Variants in LIN7A observed in about 807,000 individuals in gnomAD.
The protein encoded by LIN7A is protein lin-7 homolog A.
In LIN7A, 25 loss-of-function variants were observed where a neutral mutation model predicts 29.8. The observed-to-expected ratio is 0.84, with a 90% CI of 0.61 to 1.17. The LOEUF is 1.17. Ranked by LOEUF, LIN7A falls within the 50% of genes most tolerant of loss-of-function variation. The pLI is 0.00. For synonymous variants in LIN7A, 118 were observed against 107.5 expected (o/e 1.10, Z -0.60); for missense variants, 239 against 287.0 (o/e 0.83, Z 1.21).
chr12:80,818,789 C>T (rs990997529), intron 4 of LIN7A, among the ~76,000 whole-genome samples: 2 of 152,146 alleles, frequency 1.3e-5, no homozygotes, highest in African/African-American at 4.8e-5. Context: ...TGTGTTTGGA[C>T]ACACTACTCT....
intron 2 of LIN7A, among the ~76,000 whole-genome samples, chr12:80,856,296 A>T (rs374721181): frequency 3.9e-5 from 6 of 152,202 alleles, no homozygotes; most frequent in African/African-American, 1.2e-4. Context: ...AAGAAAAAAT[A>T]CTGACAGGTA....
At chr12:80,872,317 G>A (rs972575156) in intron 2 of LIN7A, among the ~76,000 whole-genome samples, 13 of 152,144 alleles carry the variant, frequency 8.5e-5, no homozygotes, top group African/African-American at 2.9e-4. Flanking sequence ...CTATAATGAT[G>A]AGCCAAAATT....
Position 80,845,938 on chromosome 12 carries a change from G to T in LIN7A, c.275C>A (p.Ala92Glu). The change falls in exon 4 of 6, where the codon GCA becomes GAA. Residue 92 changes from alanine to glutamate, a missense_variant and splice_region_variant. Ala to Glu is a moderately radical substitution (Grantham distance 107, BLOSUM62 -1). Transcript: ENST00000552864. ...PEFRARATAKATVAAFAASEG... is the reference protein window; with the variant it reads ...PEFRARATAKETVAAFAASEG... ...ACTAGCTGCAAAAGCTGCAACTGTT[G>T]CCTGAAAAAAAAAAAAAAAGATGGT... The T allele has an allele frequency of 6.5e-7, 1 of 1,544,544 alleles. No homozygotes were observed.
At chr12:80,872,677 A>G (rs1343522395) in intron 2 of LIN7A, among the ~76,000 whole-genome samples, 1 of 152,236 alleles carries the variant, frequency 6.6e-6, no homozygotes, top group Non-Finnish European at 1.5e-5. Context: ...GAGGAAAGAC[A>G]TATTTTATAG....
At chr12:80,933,256 A>C (rs1173551333) in intron 1 of LIN7A, among the ~76,000 whole-genome samples, 1 of 152,132 alleles carries the variant, frequency 6.6e-6, no homozygotes, top group East Asian at 1.9e-4. Context: ...TATATAATTA[A>C]ATTTCTACCC....
intron 4 of LIN7A, among the ~76,000 whole-genome samples, chr12:80,839,953 C>T (rs555385521): frequency 1.4e-3 from 211 of 152,232 alleles, no homozygotes; most frequent in African/African-American, 4.9e-3. Flanking sequence ...AATTCAGCTG[C>T]AATTTCCCAC....
chr12:80,794,617 C>G lies in LIN7A; in HGVS notation c.*3110G>C, dbSNP rs750085986. On this transcript the variant is annotated 3_prime_UTR_variant, in exon 6 of 6. Transcript: ENST00000552864. The stretch of plus-strand genomic sequence containing the variant: ...ATTTGTAAATCTGTGTAATCCATCT[C>G]GAGCCAAGTTCTTTGGAGACAGTCT... 1 of 152,058 alleles carries G rather than the reference C, an allele frequency of 6.6e-6. No individual in the cohort carries two copies. Among genetic ancestry groups the G allele is most frequent in the Non-Finnish European group, 1.5e-5 (1 of 68,012 alleles). The allele number at this position is 152,058 out of a possible 1,614,324, so 9.4% of individuals were successfully genotyped here.
At chr12:80,937,458 A>C in intron 1 of LIN7A, 183 bp downstream of exon 1, 5 of 406,382 alleles carry the variant, frequency 1.2e-5, no homozygotes, top group African/African-American at 2.1e-5. Flanking sequence ...GGCAGCGGGA[A>C]CGTAGCGGGG....
chr12:80,877,012 C>G (rs1377071664), intron 2 of LIN7A, among the ~76,000 whole-genome samples: 1 of 149,728 alleles, frequency 6.7e-6, no homozygotes, highest in East Asian at 2.0e-4. Context: ...ATTCCAGCTA[C>G]TGGGGAGGCT....
At chr12:80,897,464 C>T (rs1353772848) in intron 1 of LIN7A, among the ~76,000 whole-genome samples, 1 of 152,182 alleles carries the variant, frequency 6.6e-6, no homozygotes, top group African/African-American at 2.4e-5. Context: ...GAACACCTGT[C>T]TCCTATCAAT....
chr12:80,876,050 T>TATACACACACACAC (rs1343004422), intron 2 of LIN7A, among the ~76,000 whole-genome samples: 45 of 40,428 alleles, frequency 1.1e-3, no homozygotes, highest in Admixed American at 2.4e-3. Flanking sequence ...TTATTATTTT[T>TATACACACACACAC]ATACACACAC....
At chr12:80,932,237 G>C (rs1345022218) in intron 1 of LIN7A, among the ~76,000 whole-genome samples, 2 of 152,174 alleles carry the variant, frequency 1.3e-5, no homozygotes, top group Non-Finnish European at 2.9e-5. Flanking sequence ...GCACCCATGG[G>C]ATAGTTATTT....
intron 1 of LIN7A, among the ~76,000 whole-genome samples, chr12:80,890,553 G>A (rs555806315): frequency 6.6e-6 from 1 of 152,258 alleles, no homozygotes; most frequent in South Asian, 2.1e-4. Context: ...CTCAGAATCT[G>A]GGTGGGGTTA....
intron 4 of LIN7A, among the ~76,000 whole-genome samples, chr12:80,839,645 C>T (rs901901704): frequency 6.6e-6 from 1 of 152,200 alleles, no homozygotes; most frequent in Non-Finnish European, 1.5e-5. Flanking sequence ...GATCTTAATA[C>T]AGATTTCCCC....
At chr12:80,813,755 T>C (rs1451051825) in intron 4 of LIN7A, among the ~76,000 whole-genome samples, 2 of 152,090 alleles carry the variant, frequency 1.3e-5, no homozygotes, top group Non-Finnish European at 2.9e-5. Context: ...GGACCCTACA[T>C]AAGGAAACCC....
At position 80,793,814 on chromosome 12, in the gene LIN7A, C is replaced by T. The variant is rs1458609800; in HGVS notation, c.*3913G>A. ...AATAAATATCAAAGGGGATAATATG[C>T]CTGATGATCTTTTTATATAAAAATG... On this transcript the variant is annotated 3_prime_UTR_variant, in exon 6 of 6. Transcript: ENST00000552864. The T allele has an allele frequency of 6.6e-6, 1 of 151,892 alleles. No individual in the cohort carries two copies. Among genetic ancestry groups the T allele is most frequent in the Non-Finnish European group, 1.5e-5 (1 of 67,952 alleles). The allele number at this position is 151,892 out of a possible 1,614,324, so 9.4% of individuals were successfully genotyped here. A position where few individuals can be genotyped will look rare whatever the true frequency, so the allele number is the denominator to read the frequency against.
At chr12:80,863,345 G>T (rs1443781959) in intron 2 of LIN7A, among the ~76,000 whole-genome samples, 1 of 152,148 alleles carries the variant, frequency 6.6e-6, no homozygotes, top group African/African-American at 2.4e-5. Flanking sequence ...AACATACTTT[G>T]TTTATAGAGG....
intron 1 of LIN7A, among the ~76,000 whole-genome samples, chr12:80,898,011 A>G (rs537891013): frequency 1.1e-3 from 165 of 152,106 alleles, no homozygotes; most frequent in African/African-American, 3.7e-3. Context: ...GTTTTGTTGC[A>G]ATTGCTTTTG....
At chr12:80,876,099 A>G (rs1874686196) in intron 2 of LIN7A, among the ~76,000 whole-genome samples, 1 of 151,952 alleles carries the variant, frequency 6.6e-6, no homozygotes, top group African/African-American at 2.4e-5. Context: ...AGAAAGAGAG[A>G]GACAGACAGA....
Sources: gnomAD v4.1 joint callset for allele counts (sites outside exome capture counted in the v4.1 genomes callset) on GRCh38, gnomAD v4.1.1 for gene constraint, MANE v1.5 for transcripts, NCBI Gene and HGNC (gene_info 2026-07-23, HGNC 2026-07-21) for gene names.